CACNA2D3: variants seen among roughly 807,000 people sequenced by gnomAD.
CACNA2D3 encodes voltage-dependent calcium channel subunit alpha-2/delta-3.
Under a neutral mutation model 160.6 loss-of-function variants are expected in CACNA2D3, and 60 were observed. The observed-to-expected ratio is 0.37, with a 90% CI of 0.30 to 0.46. The LOEUF (loss-of-function observed/expected upper bound fraction) is 0.46, where lower values mean the gene tolerates loss of function less well. Among genes scored for constraint, CACNA2D3 ranks in the 20% least tolerant of loss-of-function variants. CACNA2D3 has a pLI of 1.00. For synonymous variants in CACNA2D3, 558 were observed against 492.9 expected (o/e 1.13, Z -1.75); for missense variants, 1,205 against 1,365.0 (o/e 0.88, Z 1.85).
chr3:54,549,308 T>G (rs1014694748), intron 5 of CACNA2D3, among the ~76,000 whole-genome samples: 2 of 152,066 alleles, frequency 1.3e-5, no homozygotes, highest in Non-Finnish European at 2.9e-5. Flanking sequence ...TAGCCGAATG[T>G]GGTGGCAGAC....
intron 35 of CACNA2D3, among the ~76,000 whole-genome samples, 162 bp from the exon 36 acceptor site, chr3:55,073,283 G>A (rs1417805880): frequency 2.0e-5 from 3 of 152,190 alleles, no homozygotes; most frequent in African/African-American, 7.2e-5. Flanking sequence ...ATTTGTAAGT[G>A]AAGAGCCTCA....
intron 2 of CACNA2D3, among the ~76,000 whole-genome samples, chr3:54,179,481 G>A (rs536414716): frequency 1.3e-5 from 2 of 152,282 alleles, no homozygotes; most frequent in East Asian, 3.9e-4. Context: ...AGCTGTCTAC[G>A]CCCTCATGCC....
intron 2 of CACNA2D3, among the ~76,000 whole-genome samples, chr3:54,246,108 A>G (rs1702070210): frequency 2.0e-5 from 3 of 152,194 alleles, no homozygotes; most frequent in Non-Finnish European, 4.4e-5. Flanking sequence ...TCTGTTGTTC[A>G]GTGATTTTGG....
intron 11 of CACNA2D3, among the ~76,000 whole-genome samples, chr3:54,659,795 T>G (rs1170483259): frequency 2.0e-5 from 3 of 152,318 alleles, no homozygotes; most frequent in African/African-American, 7.2e-5. Flanking sequence ...GGTGTTTGTC[T>G]TCTTTAGTAA....
intron 9 of CACNA2D3, among the ~76,000 whole-genome samples, chr3:54,618,280 A>T (rs1455680513): frequency 6.6e-6 from 1 of 150,516 alleles, no homozygotes; most frequent in Non-Finnish European, 1.5e-5. Context: ...AATGTTGAAA[A>T]CATAAAATAC....
intron 34 of CACNA2D3, among the ~76,000 whole-genome samples, chr3:55,011,850 C>T (rs773907009): frequency 6.6e-5 from 10 of 152,126 alleles, no homozygotes; most frequent in African/African-American, 1.2e-4. Flanking sequence ...CTACTAAATG[C>T]GCACTTGGTT....
At chr3:54,660,106 G>A (rs1328489020) in intron 11 of CACNA2D3, among the ~76,000 whole-genome samples, 1 of 150,356 alleles carries the variant, frequency 6.7e-6, no homozygotes, top group Non-Finnish European at 1.5e-5. Context: ...CTTTTTCCAT[G>A]TCATTGGGTC....
intron 4 of CACNA2D3, among the ~76,000 whole-genome samples, chr3:54,469,767 A>G (rs1700696159): frequency 6.6e-6 from 1 of 152,086 alleles, no homozygotes; most frequent in Admixed American, 6.6e-5. Context: ...ACACAGCACG[A>G]GAACTTCATG....
intron 4 of CACNA2D3, among the ~76,000 whole-genome samples, chr3:54,479,440 A>T (rs1403958904): frequency 6.6e-6 from 1 of 152,246 alleles, no homozygotes; most frequent in Non-Finnish European, 1.5e-5. Context: ...ACTACTTCAC[A>T]GCGAAAATTG....
At chr3:54,449,249 A>C in intron 4 of CACNA2D3, among the ~76,000 whole-genome samples, 1 of 152,224 alleles carries the variant, frequency 6.6e-6, no homozygotes, top group Non-Finnish European at 1.5e-5. Context: ...CATTTGATAC[A>C]AACAACATAA....
chr3:54,485,582 T>G (rs961042727), intron 4 of CACNA2D3, among the ~76,000 whole-genome samples: 1 of 152,030 alleles, frequency 6.6e-6, no homozygotes, highest in South Asian at 2.1e-4. Flanking sequence ...TTTTTTTTTT[T>G]TGAGACAGAG....
rs1201255334 is a variant in CACNA2D3, at chr3:54,476,045, G to T, written c.382-27447G>T. On this transcript the variant is annotated intron_variant, in intron 4 of 37. Coordinates refer to ENST00000474759, the MANE Select transcript of CACNA2D3 (RefSeq NM_018398.3). ...CATCATTCTGTGTTACTGTAAGTTT[G>T]ATTTTTTTTTTTTTTTTTAGATTTC... 2.8e-4 allele frequency among the ~76,000 whole-genome samples: 13 copies of T among 45,976 alleles called. No homozygotes were observed. The South Asian group carries it at 7.3e-3, about 26-fold the overall frequency. The allele number at this position is 45,976 out of a possible 152,430, so 30.2% of individuals were successfully genotyped here. A position where few individuals can be genotyped will look rare whatever the true frequency, so the allele number is the denominator to read the frequency against.
chr3:55,017,895 T>C (rs1465617791), intron 34 of CACNA2D3, among the ~76,000 whole-genome samples: 1 of 152,166 alleles, frequency 6.6e-6, no homozygotes, highest in African/African-American at 2.4e-5. Flanking sequence ...TACACATATG[T>C]GTTGTTGCTA....
At chr3:55,061,691 G>C (rs11916048) in intron 35 of CACNA2D3, among the ~76,000 whole-genome samples, 18,794 of 152,174 alleles carry the variant, frequency 0.12, 2,108 homozygotes, top group East Asian at 0.28. Context: ...CTGAAAATGT[G>C]TTTGTTTTCA....
intron 2 of CACNA2D3, among the ~76,000 whole-genome samples, chr3:54,201,596 G>C (rs1701180323): frequency 6.6e-6 from 1 of 152,146 alleles, no homozygotes. Context: ...TAGAAGATTT[G>C]AGTTTGAACC....
intron 9 of CACNA2D3, among the ~76,000 whole-genome samples, chr3:54,626,849 G>T (rs1028183126): frequency 6.6e-6 from 1 of 152,154 alleles, no homozygotes; most frequent in African/African-American, 2.4e-5. Flanking sequence ...CCTGTTCCTG[G>T]GCATGAGCCT....
intron 2 of CACNA2D3, among the ~76,000 whole-genome samples, chr3:54,133,225 T>C (rs1473714019): frequency 1.3e-5 from 2 of 152,182 alleles, no homozygotes; most frequent in Admixed American, 6.5e-5. Context: ...ATTTATGATA[T>C]ATCATTTAAT....
chr3:55,011,025 G>C (rs1703199531), intron 34 of CACNA2D3, among the ~76,000 whole-genome samples: 1 of 152,192 alleles, frequency 6.6e-6, no homozygotes, highest in South Asian at 2.1e-4. Context: ...ATGACCATTA[G>C]GGTCACTATA....
chr3:54,415,190 C>G (rs1395218951), intron 4 of CACNA2D3, among the ~76,000 whole-genome samples: 1 of 152,142 alleles, frequency 6.6e-6, no homozygotes, highest in Non-Finnish European at 1.5e-5. Context: ...AAATCATTGG[C>G]AGACCCCAGA....
Sources: allele counts gnomAD v4.1 joint callset (sites outside exome capture counted in the v4.1 genomes callset), GRCh38; gene constraint gnomAD v4.1.1; transcripts MANE v1.5; gene names NCBI Gene and HGNC (gene_info 2026-07-23, HGNC 2026-07-21).